The following ARFGEF1 variants were observed in gnomAD, a reference collection of about 807,000 sequenced individuals.
The protein encoded by ARFGEF1 is brefeldin A-inhibited guanine nucleotide-exchange protein 1.
ARFGEF1 carries 42 observed loss-of-function variants against 231.0 expected under a neutral mutation model. That is an observed-to-expected ratio of 0.18 (90% CI 0.14 to 0.24). ARFGEF1 has a LOEUF of 0.24. Among genes scored for constraint, ARFGEF1 ranks in the 10% least tolerant of loss-of-function variants. ARFGEF1 has a pLI of 1.00. For missense variants in ARFGEF1, 1,345 were observed against 2,192.0 expected (o/e 0.61, Z 7.72); for synonymous variants, 710 against 732.3 (o/e 0.97, Z 0.49).
intron 1 of ARFGEF1, among the ~76,000 whole-genome samples, chr8:67,321,770 G>C (rs776613748): frequency 6.6e-5 from 10 of 152,146 alleles, no homozygotes; most frequent in Non-Finnish European, 1.3e-4. Context: ...GAGAACTTCT[G>C]TTTTAATGCC....
intron 1 of ARFGEF1, among the ~76,000 whole-genome samples, chr8:67,306,623 T>A (rs1263596232): frequency 2.6e-5 from 4 of 152,204 alleles, no homozygotes; most frequent in Non-Finnish European, 4.4e-5. Context: ...AATTCTATTA[T>A]CTGTACACTA....
Position 67,217,996 on chromosome 8 carries a change from G to T in ARFGEF1, c.4474+7C>A. The T allele has an allele frequency of 6.2e-7, 1 of 1,612,296 alleles. No individual in the cohort carries two copies. Among genetic ancestry groups the T allele is most frequent in the South Asian group, 1.1e-5 (1 of 90,862 alleles). ...CACTTTGTGTCACATATCTGGTACA[G>T]ACCTACCTTGCTGCACACACCAGTA... is the stretch of plus-strand genomic sequence containing the variant. On this transcript the variant is annotated splice_region_variant and intron_variant, in intron 31 of 38. Transcript: ENST00000262215.
intron 1 of ARFGEF1, among the ~76,000 whole-genome samples, chr8:67,325,481 C>G (rs1724592957): frequency 6.6e-6 from 1 of 152,104 alleles, no homozygotes; most frequent in Admixed American, 6.5e-5. Flanking sequence ...CATAAAGGAG[C>G]CTCTATCAGG....
intron 1 of ARFGEF1, among the ~76,000 whole-genome samples, chr8:67,310,474 T>C (rs1207910892): frequency 6.6e-6 from 1 of 152,220 alleles, no homozygotes; most frequent in Non-Finnish European, 1.5e-5. Flanking sequence ...CCGCCTGCCT[T>C]GGCCTCCCAA....
chr8:67,218,191 T>TAA lies in ARFGEF1; in HGVS notation c.4339-55_4339-54dup, dbSNP rs10719102. 2.1e-3 allele frequency: 318 copies of TAA among 153,670 alleles called. 6 individuals are homozygous for TAA. Among genetic ancestry groups the TAA allele is most frequent in the Admixed American group, 0.016 (108 of 6,760 alleles). 9.5% of individuals were successfully genotyped at this position (153,670 alleles called of 1,614,324 possible). ...CACGCCATTAATCAACTACTATGAT[T>TAA]AAAAAAAAAAAAAAAAATATATATA... is the stretch of plus-strand genomic sequence containing the variant. On this transcript the variant is annotated intron_variant, in intron 30 of 38. Coordinates refer to ENST00000262215, the MANE Select transcript of ARFGEF1 (RefSeq NM_006421.5).
At chr8:67,242,088 A>G (rs542101758) in intron 19 of ARFGEF1, among the ~76,000 whole-genome samples, 1 of 152,314 alleles carries the variant, frequency 6.6e-6, no homozygotes, top group Admixed American at 6.5e-5. Flanking sequence ...AAGCCACACC[A>G]GCATGGACTA....
At chr8:67,214,021 T>C (rs1838839640) in intron 33 of ARFGEF1, among the ~76,000 whole-genome samples, 1 of 152,204 alleles carries the variant, frequency 6.6e-6, no homozygotes, top group Non-Finnish European at 1.5e-5. Context: ...TGGGCAATGG[T>C]AGAAGCTGGA....
At chr8:67,253,121 G>GA (rs1409377601) in intron 18 of ARFGEF1, among the ~76,000 whole-genome samples, 1 of 152,052 alleles carries the variant, frequency 6.6e-6, no homozygotes, top group South Asian at 2.1e-4. Context: ...AGAATGTGGG[G>GA]AAAAAATACA....
At position 67,223,745 on chromosome 8, in the gene ARFGEF1, A is replaced by C. The variant is rs1268062840; in HGVS notation, c.4208+1158T>G. ...TCCATCAAACAGACTTCTACAAATAAATAAAGGGTGAGGGGAGAGGGTGCT... is the reference window on the plus strand; with the variant it reads ...TCCATCAAACAGACTTCTACAAATACATAAAGGGTGAGGGGAGAGGGTGCT... On this transcript the variant is annotated intron_variant, in intron 29 of 38. Coordinates refer to ENST00000262215, the MANE Select transcript of ARFGEF1 (RefSeq NM_006421.5). Among the ~76,000 whole-genome samples, 3 of 152,152 alleles carry C rather than the reference A, an allele frequency of 2.0e-5. No homozygotes were observed. The East Asian group carries it at 5.8e-4, about 29-fold the overall frequency.
chr8:67,327,341 A>G (rs1184235780), intron 1 of ARFGEF1, among the ~76,000 whole-genome samples: 1 of 142,182 alleles, frequency 7.0e-6, no homozygotes, highest in East Asian at 2.0e-4. Context: ...TTTTTTTGAG[A>G]CAGAGTTTCG....
rs1462213878 is a variant in ARFGEF1 at position 67,211,617 on chromosome 8, TAATA to T, written c.4687-6_4687-3del. The T allele has an allele frequency of 5.6e-6, 8 of 1,437,464 alleles. No homozygotes were observed. Among genetic ancestry groups the T allele is most frequent in the Non-Finnish European group, 6.5e-6 (7 of 1,077,606 alleles). 89.0% of individuals were successfully genotyped at this position (1,437,464 alleles called of 1,614,324 possible). A position where few individuals can be genotyped will look rare whatever the true frequency, so the allele number is the denominator to read the frequency against. Reference sequence around the variant, plus strand: ...TACAGACTTCTGTGATATTGTATCCTAATAAATAAAAAAAAAATCACTGTAAGTA... The same window carrying T: ...TACAGACTTCTGTGATATTGTATCCTAATAAAAAAAAAATCACTGTAAGTA... On this transcript the variant is annotated splice_polypyrimidine_tract_variant and splice_region_variant and intron_variant, in intron 33 of 38. Coordinates refer to ENST00000262215, the MANE Select transcript of ARFGEF1 (RefSeq NM_006421.5).
chr8:67,193,622 G>C, downstream of ARFGEF1: 1 of 1,603,324 alleles, frequency 6.2e-7, no homozygotes, highest in African/African-American at 1.3e-5. Flanking sequence ...CAAGTGTAAT[G>C]GCCTATAGTA....
At chr8:67,292,519 C>CA (rs1316981627) in intron 5 of ARFGEF1, among the ~76,000 whole-genome samples, 2 of 152,042 alleles carry the variant, frequency 1.3e-5, no homozygotes, top group Non-Finnish European at 2.9e-5. Context: ...GAGTGGGAGG[C>CA]AACTTTTCAG....
intron 19 of ARFGEF1, among the ~76,000 whole-genome samples, chr8:67,247,779 T>C (rs1840151723): frequency 6.6e-6 from 1 of 150,526 alleles, no homozygotes; most frequent in African/African-American, 2.5e-5. Flanking sequence ...AAATTATCTA[T>C]TTGCAGGTGA....
chr8:67,181,698 T>C (rs999212643), intron 5 of ARFGEF1, among the ~76,000 whole-genome samples: 1 of 152,190 alleles, frequency 6.6e-6, no homozygotes, highest in Non-Finnish European at 1.5e-5. Flanking sequence ...ACATAACATT[T>C]ACCATTTTAA....
intron 1 of ARFGEF1, among the ~76,000 whole-genome samples, chr8:67,319,605 T>G (rs1463036633): frequency 2.6e-5 from 4 of 152,072 alleles, no homozygotes; most frequent in African/African-American, 9.6e-5. Context: ...TATCAAACTT[T>G]CGGAAAACAT....
intron 15 of ARFGEF1, 48 bp from the exon 16 acceptor site, chr8:67,258,338 T>C (rs765863561): frequency 7.2e-7 from 1 of 1,381,518 alleles, no homozygotes; most frequent in Non-Finnish European, 9.9e-7. Flanking sequence ...TCTTTTTTTT[T>C]TTTTTGAGAC....
At chr8:67,297,739 G>C (rs1806299335) in intron 4 of ARFGEF1, among the ~76,000 whole-genome samples, 1 of 151,696 alleles carries the variant, frequency 6.6e-6, no homozygotes. Context: ...AGCATTAATG[G>C]GCATTATCTT....
chr8:67,320,179 G>A (rs1396753861), intron 1 of ARFGEF1, among the ~76,000 whole-genome samples: 3 of 130,042 alleles, frequency 2.3e-5, no homozygotes, highest in Non-Finnish European at 3.1e-5. Context: ...AGCCGAGATC[G>A]CACCACTGCA....
Sources: allele counts gnomAD v4.1 joint callset (sites outside exome capture counted in the v4.1 genomes callset), GRCh38; gene constraint gnomAD v4.1.1; transcripts MANE v1.5; gene names NCBI Gene and HGNC (gene_info 2026-07-23, HGNC 2026-07-21).